The following TMPRSS11F variants were observed in gnomAD, a reference collection of about 807,000 sequenced individuals.
The protein encoded by TMPRSS11F is transmembrane protease serine 11F.
In TMPRSS11F, 47 loss-of-function variants were observed where a neutral mutation model predicts 60.2. The ratio of observed to expected loss-of-function variants is 0.78; its 90% confidence interval spans 0.62 to 1.00. The LOEUF is 1.00. Ranked by LOEUF, TMPRSS11F falls within the 50% of genes least tolerant of loss-of-function variation. The pLI is 0.00. For missense variants in TMPRSS11F, 519 were observed against 522.9 expected (o/e 0.99, Z 0.07); for synonymous variants, 166 against 167.3 (o/e 0.99, Z 0.06).
intron 9 of TMPRSS11F, among the ~76,000 whole-genome samples, chr4:68,058,269 T>A (rs2109826865): frequency 6.6e-6 from 1 of 152,340 alleles, no homozygotes; most frequent in East Asian, 1.9e-4. Flanking sequence ...GATGGATATG[T>A]TAATTAGCTT....
intron 1 of TMPRSS11F, among the ~76,000 whole-genome samples, chr4:68,125,621 A>T (rs1195091455): frequency 6.6e-6 from 1 of 152,196 alleles, no homozygotes; most frequent in Non-Finnish European, 1.5e-5. Context: ...ATCCAAGGGT[A>T]TAAAAACTTT....
intron 1 of TMPRSS11F, among the ~76,000 whole-genome samples, chr4:68,113,957 C>A (rs1046228489): frequency 6.6e-6 from 1 of 151,856 alleles, no homozygotes; most frequent in African/African-American, 2.4e-5. Flanking sequence ...AATTGAACCA[C>A]AAGTTAATAA....
intron 1 of TMPRSS11F, among the ~76,000 whole-genome samples, chr4:68,111,218 A>G (rs1008560615): frequency 1.3e-5 from 2 of 152,096 alleles, no homozygotes; most frequent in African/African-American, 4.8e-5. Flanking sequence ...TGCTTTCACA[A>G]TCTTCACCCA....
intron 3 of TMPRSS11F, 116 bp downstream of exon 3, chr4:68,090,407 T>C: frequency 7.2e-7 from 1 of 1,390,306 alleles, no homozygotes; most frequent in Non-Finnish European, 9.4e-7. Context: ...ACTTACATAC[T>C]ATAGTATCTC....
intron 1 of TMPRSS11F, among the ~76,000 whole-genome samples, chr4:68,117,458 ACT>A (rs1415000587): frequency 4.3e-5 from 5 of 116,906 alleles, no homozygotes; most frequent in African/African-American, 1.3e-4. Context: ...ACAGAGCGAG[ACT>A]CTGTCTCAAA....
intron 3 of TMPRSS11F, among the ~76,000 whole-genome samples, chr4:68,076,732 T>C (rs750070653): frequency 6.6e-5 from 10 of 152,166 alleles, no homozygotes; most frequent in Non-Finnish European, 1.0e-4. Context: ...CCATAACCAA[T>C]GGCAGTCAAG....
chr4:68,086,663 C>T (rs1274778962), intron 3 of TMPRSS11F, among the ~76,000 whole-genome samples: 1 of 151,986 alleles, frequency 6.6e-6, no homozygotes, highest in Admixed American at 6.6e-5. Context: ...CGTATAAATA[C>T]AATCAGAAAT....
intron 1 of TMPRSS11F, among the ~76,000 whole-genome samples, chr4:68,106,534 T>C (rs1029019717): frequency 6.6e-6 from 1 of 152,194 alleles, no homozygotes; most frequent in African/African-American, 2.4e-5. Context: ...GGGGATATTC[T>C]ATAAATGTCA....
At chr4:68,059,165 A>T (rs1202057700) in intron 9 of TMPRSS11F, among the ~76,000 whole-genome samples, 161 bp downstream of exon 9, 2 of 152,096 alleles carry the variant, frequency 1.3e-5, no homozygotes, top group Non-Finnish European at 2.9e-5. Flanking sequence ...CGTATATTAA[A>T]CACTCAATAC....
chr4:68,087,097 T>C (rs1486748399), intron 3 of TMPRSS11F, among the ~76,000 whole-genome samples: 2 of 152,086 alleles, frequency 1.3e-5, no homozygotes, highest in African/African-American at 4.8e-5. Flanking sequence ...CAATACTCCT[T>C]ATAAACATAG....
In TMPRSS11F at chr4:68,076,302, CTG is replaced by C. The variant is rs530369410; in HGVS notation, c.283-2295_283-2294del. ...CTGCTTTAACTATAGTCATTGAAAA[CTG>C]TTATTAAAATTCCTGCTAAAAGGAT... On this transcript the variant is annotated intron_variant, in intron 3 of 9. Coordinates refer to ENST00000356291, the MANE Select transcript of TMPRSS11F (RefSeq NM_207407.2). Among the ~76,000 whole-genome samples the C allele has an allele frequency of 1.4e-3, 206 of 152,282 alleles. 1 individual carries two copies. The highest frequency in any genetic ancestry group is 4.8e-3 in the African/African-American group (201 of 41,556).
At chr4:68,075,219 C>T (rs1723559380) in intron 3 of TMPRSS11F, among the ~76,000 whole-genome samples, 1 of 152,086 alleles carries the variant, frequency 6.6e-6, no homozygotes, top group Admixed American at 6.5e-5. Context: ...ATCCACTTTC[C>T]TTGATTCAAT....
chr4:68,120,406 T>TTTTTTTTTTG, intron 1 of TMPRSS11F, among the ~76,000 whole-genome samples: 1 of 73,116 alleles, frequency 1.4e-5, no homozygotes, highest in South Asian at 4.9e-4. Context: ...TTTTTTTTTT[T>TTTTTTTTTTG]GAGACGGAGT....
intron 2 of TMPRSS11F, among the ~76,000 whole-genome samples, chr4:68,090,872 T>C (rs1723914721): frequency 6.6e-6 from 1 of 152,180 alleles, no homozygotes. Flanking sequence ...TATAGATATT[T>C]ATGCATATCA....
At chr4:68,118,442 TA>T (rs1237426792) in intron 1 of TMPRSS11F, among the ~76,000 whole-genome samples, 1 of 152,114 alleles carries the variant, frequency 6.6e-6, no homozygotes, top group East Asian at 1.9e-4. Flanking sequence ...AAAACATTTT[TA>T]AAAAAATACT....
chr4:68,120,779 C>T (rs574739491), intron 1 of TMPRSS11F, among the ~76,000 whole-genome samples: 3 of 152,088 alleles, frequency 2.0e-5, no homozygotes, highest in Non-Finnish European at 4.4e-5. Flanking sequence ...TCAGCAATCA[C>T]CACCATGATC....
At chr4:68,058,624 C>T (rs906755788) in intron 9 of TMPRSS11F, among the ~76,000 whole-genome samples, 4 of 152,026 alleles carry the variant, frequency 2.6e-5, no homozygotes, top group Non-Finnish European at 5.9e-5. Context: ...GATAAATAAA[C>T]ATACTGCATA....
In TMPRSS11F at chr4:68,076,393, C is replaced by T. The variant is rs188314318; in HGVS notation, c.283-2384G>A. Among the ~76,000 whole-genome samples, 288 of 152,252 alleles carry T rather than the reference C, an allele frequency of 1.9e-3. 1 individual carries two copies. The highest frequency in any genetic ancestry group is 0.013 in the Admixed American group (201 of 15,292). ...TCAACTGTCTCAATGTCAAAACATCCCCAACAGAGGGCACTGCATATTGGG... is the reference window on the plus strand; with the variant it reads ...TCAACTGTCTCAATGTCAAAACATCTCCAACAGAGGGCACTGCATATTGGG... On this transcript the variant is annotated intron_variant, in intron 3 of 9. Coordinates refer to ENST00000356291, the MANE Select transcript of TMPRSS11F (RefSeq NM_207407.2).
intron 1 of TMPRSS11F, among the ~76,000 whole-genome samples, chr4:68,115,607 T>C (rs945664255): frequency 3.9e-5 from 6 of 152,150 alleles, no homozygotes; most frequent in Non-Finnish European, 8.8e-5. Context: ...CTTTTATTAA[T>C]ATACTATAAA....
Sources: gnomAD v4.1 joint callset for allele counts (sites outside exome capture counted in the v4.1 genomes callset) on GRCh38, gnomAD v4.1.1 for gene constraint, MANE v1.5 for transcripts, NCBI Gene and HGNC (gene_info 2026-07-23, HGNC 2026-07-21) for gene names.